Variants in PTCHD4 observed in about 807,000 individuals in gnomAD.
The protein encoded by PTCHD4 is patched domain-containing protein 4.
PTCHD4 carries 33 observed loss-of-function variants against 58.1 expected under a neutral mutation model. The ratio of observed to expected loss-of-function variants is 0.57; its 90% CI spans 0.43 to 0.76. The LOEUF (loss-of-function observed/expected upper bound fraction) is 0.76, where lower values mean the gene tolerates loss of function less well. Among genes scored for constraint, PTCHD4 ranks in the 30% least tolerant of loss-of-function variants. The pLI, the probability that PTCHD4 is intolerant of heterozygous loss-of-function variation, is 0.00. For synonymous variants in PTCHD4, 478 were observed against 409.6 expected (o/e 1.17, Z -2.02); for missense variants, 1,058 against 1,027.1 (o/e 1.03, Z -0.41).
chr6:47,999,746 A>G (rs1412403899), intron 4 of PTCHD4, among the ~76,000 whole-genome samples: 1 of 152,226 alleles, frequency 6.6e-6, no homozygotes, highest in African/African-American at 2.4e-5. Context: ...ATAGATAACT[A>G]GAAATCTCCA....
intron 4 of PTCHD4, among the ~76,000 whole-genome samples, chr6:47,914,744 T>G (rs1209256694): frequency 8.6e-6 from 1 of 116,232 alleles, no homozygotes; most frequent in Admixed American, 8.4e-5. Context: ...TATCTATCTA[T>G]TATCTATCTA....
intron 4 of PTCHD4, among the ~76,000 whole-genome samples, chr6:47,934,950 T>A (rs981328020): frequency 7.2e-5 from 11 of 152,192 alleles, no homozygotes; most frequent in Non-Finnish European, 1.5e-4. Flanking sequence ...TTTAAAATAT[T>A]TTCTTCCACC....
chr6:47,962,756 G>C (rs1767143493), intron 4 of PTCHD4, among the ~76,000 whole-genome samples: 1 of 150,438 alleles, frequency 6.6e-6, no homozygotes, highest in South Asian at 2.1e-4. Flanking sequence ...AAAGAAGTAT[G>C]AAAATGGACT....
At chr6:48,016,739 A>G (rs1258755159) in intron 3 of PTCHD4, among the ~76,000 whole-genome samples, 1 of 151,026 alleles carries the variant, frequency 6.6e-6, no homozygotes, top group Non-Finnish European at 1.5e-5. Flanking sequence ...GCTCTAGAGT[A>G]GAAAACTAAA....
At chr6:48,062,382 C>A (rs1458630765) in intron 3 of PTCHD4, among the ~76,000 whole-genome samples, 1 of 151,818 alleles carries the variant, frequency 6.6e-6, no homozygotes, top group Non-Finnish European at 1.5e-5. Flanking sequence ...TTCTGAACCA[C>A]TAAAGGAAAC....
chr6:47,915,496 A>G (rs1346876826), intron 4 of PTCHD4, among the ~76,000 whole-genome samples: 1 of 152,086 alleles, frequency 6.6e-6, no homozygotes, highest in Non-Finnish European at 1.5e-5. Flanking sequence ...TGGTTACATC[A>G]GCTCTGAAGA....
intron 3 of PTCHD4, among the ~76,000 whole-genome samples, chr6:48,022,536 G>A (rs1763104689): frequency 6.6e-6 from 1 of 152,030 alleles, no homozygotes; most frequent in Non-Finnish European, 1.5e-5. Context: ...TTTTAATAAA[G>A]CCAAGAAAGT....
At chr6:47,948,547 A>G (rs1028721034) in intron 4 of PTCHD4, among the ~76,000 whole-genome samples, 2 of 152,162 alleles carry the variant, frequency 1.3e-5, no homozygotes, top group African/African-American at 2.4e-5. Flanking sequence ...ATCTGATTTT[A>G]TAAACTTTAA....
Position 47,864,105 on chromosome 6 carries a change from GGTTCCTC to G in PTCHD4, c.*14191_*14197del, listed in dbSNP as rs1310563632. ...TCAGAGATTTTCAAAGTCCAAGTGT[GGTTCCTC>G]AGACTAGTAGCATTAGCATCACCTG... On this transcript the variant is annotated 3_prime_UTR_variant, in exon 5 of 5. Coordinates refer to ENST00000339488, the MANE Select transcript of PTCHD4 (RefSeq NM_001384253.1). 1.3e-5 allele frequency among the ~76,000 whole-genome samples: 2 copies of G among 151,874 alleles called. No individual in the cohort carries two copies. Among genetic ancestry groups the G allele is most frequent in the Non-Finnish European group, 2.9e-5 (2 of 67,898 alleles).
At chr6:47,903,541 C>T (rs183155169) in intron 4 of PTCHD4, among the ~76,000 whole-genome samples, 3 of 152,262 alleles carry the variant, frequency 2.0e-5, no homozygotes, top group Admixed American at 2.0e-4. Flanking sequence ...TCTCAAACTC[C>T]TGGGCCCAAG....
intron 4 of PTCHD4, among the ~76,000 whole-genome samples, chr6:47,987,448 A>G (rs1768111200): frequency 6.6e-6 from 1 of 151,950 alleles, no homozygotes; most frequent in South Asian, 2.1e-4. Context: ...CTAAGTATCC[A>G]GCCATTTAAA....
intron 4 of PTCHD4, among the ~76,000 whole-genome samples, chr6:47,967,645 G>C (rs1256200075): frequency 1.3e-5 from 2 of 152,198 alleles, no homozygotes; most frequent in East Asian, 3.9e-4. Flanking sequence ...ATATTAGCCA[G>C]ATTTTCTGGA....
chr6:47,898,060 G>T (rs143071765), intron 4 of PTCHD4, among the ~76,000 whole-genome samples: 4,159 of 141,326 alleles, frequency 0.029, 185 homozygotes, highest in African/African-American at 0.097. Context: ...TTCTCCTGCC[G>T]CAGCCTCCCG....
chr6:47,958,430 A>T (rs79133166), intron 4 of PTCHD4, among the ~76,000 whole-genome samples: 2 of 152,198 alleles, frequency 1.3e-5, no homozygotes, highest in Non-Finnish European at 2.9e-5. Context: ...GCATCAGACA[A>T]CTAAAGACAG....
Position 48,068,543 on chromosome 6 carries a change from A to C in PTCHD4, c.104T>G (p.Val35Gly). 1 of 1,607,574 alleles carries C rather than the reference A, an allele frequency of 6.2e-7. No individual in the cohort carries two copies. The change falls in exon 3 of 5, where the codon GTG becomes GGG. Residue 35 changes from valine (V) to glycine (G), a missense_variant. Coordinates refer to ENST00000339488, the MANE Select transcript of PTCHD4 (RefSeq NM_001384253.1). This position sits in a 1 kb window ranked among gnomAD's most constrained non-coding sequence, Gnocchi z 4.2. ...QSFCHRLGLC[V>G]SRHPVFFLTV... ...GAGGAAAAAGACCGGGTGCCGGCTC[A>C]CGCACAAACCCAGCCTGTGGCAGAA...
At chr6:48,063,850 T>C (rs1764709532) in intron 3 of PTCHD4, among the ~76,000 whole-genome samples, 1 of 152,198 alleles carries the variant, frequency 6.6e-6, no homozygotes, top group Admixed American at 6.5e-5. Context: ...TAACTTTGCT[T>C]GAAAATTTCC....
chr6:48,065,435 T>G (rs1374168591), intron 3 of PTCHD4, among the ~76,000 whole-genome samples: 1 of 152,118 alleles, frequency 6.6e-6, no homozygotes, highest in Non-Finnish European at 1.5e-5. Context: ...CATATAAAAA[T>G]TTTCCTCAAA....
intron 1 of PTCHD4, among the ~76,000 whole-genome samples, chr6:48,085,372 T>C (rs1408176281): frequency 6.6e-6 from 1 of 152,234 alleles, no homozygotes; most frequent in Non-Finnish European, 1.5e-5. Context: ...CTTGGCTTTT[T>C]TTAGAACATT....
At position 48,068,327 on chromosome 6, in the gene PTCHD4, C is replaced by T. The variant is rs1348811878; in HGVS notation, c.320G>A (p.Arg107Lys). 6.2e-7 allele frequency: 1 copy of T among 1,613,698 alleles called. No homozygotes were observed. The highest frequency in any genetic ancestry group is 1.7e-5 in the Admixed American group (1 of 60,004). ...GGAGAGGAGGATCACCCTGCCATACCTCCCAGGGGTGTGTAAGTCCGAATA... is the reference window on the plus strand; with the variant it reads ...GGAGAGGAGGATCACCCTGCCATACTTCCCAGGGGTGTGTAAGTCCGAATA... ...QLYSDLHTPG[R>K]YGRVILLSPT... Residue 107 changes from arginine to lysine, a missense_variant, in exon 3 of 5, where the codon AGG (arginine) becomes AAG (lysine). Coordinates refer to ENST00000339488, the MANE Select transcript of PTCHD4 (RefSeq NM_001384253.1). This position sits in a 1 kb window ranked among gnomAD's most constrained non-coding sequence, Gnocchi z 4.2.
Sources: allele counts gnomAD v4.1 joint callset (sites outside exome capture counted in the v4.1 genomes callset), GRCh38; gene constraint gnomAD v4.1.1; non-coding constraint Gnocchi (gnomAD v3.1); transcripts MANE v1.5; gene names NCBI Gene and HGNC (gene_info 2026-07-23, HGNC 2026-07-21).